PRDM11: variants seen among roughly 807,000 people sequenced by gnomAD.
The protein encoded by PRDM11 is PR/SET domain 11, also known as PR domain-containing protein 11.
Under a neutral mutation model 97.8 loss-of-function variants are expected in PRDM11, and 20 were observed. That is an observed-to-expected ratio of 0.20 (90% CI 0.14 to 0.30). PRDM11 has a LOEUF of 0.30. PRDM11 is among the 10% of genes least tolerant of loss of function. PRDM11 has a pLI of 1.00. For missense variants in PRDM11, 1,139 were observed against 1,555.2 expected (o/e 0.73, Z 4.50); for synonymous variants, 599 against 637.7 (o/e 0.94, Z 0.91).
chr11:45,224,781 T>C lies in PRDM11; in HGVS notation c.1307T>C (p.Leu436Pro). The C allele has an allele frequency of 4.3e-6, 7 of 1,614,240 alleles. No individual in the cohort carries two copies. Among genetic ancestry groups the C allele is most frequent in the Non-Finnish European group, 5.9e-6 (7 of 1,180,044 alleles). The stretch of plus-strand genomic sequence containing the variant: ...TTAGACATGCTTAAGTCTGGGAAAC[T>C]TCCTGAGCCCCCCGTATTGCCACCA... The part of the protein sequence containing the change: ...AELDMLKSGK[L>P]PEPPVLPPQV... The change falls in exon 7 of 8, where the codon CTT becomes CCT. Residue 436 changes from leucine (L) to proline (P), a missense_variant. This residue lies in a region of PRDM11 where 710 missense variants were observed against 1,044.9 expected (regional missense o/e 0.68). Coordinates refer to ENST00000683152, the MANE Select transcript of PRDM11 (RefSeq NM_001384648.1).
Position 45,234,916 on chromosome 11 carries a change from A to G in PRDM11, c.*6757A>G, listed in dbSNP as rs1047406157. 1 of 152,274 alleles carries G rather than the reference A, an allele frequency of 6.6e-6. No individual in the cohort carries two copies. The highest frequency in any genetic ancestry group is 1.9e-4 in the East Asian group (1 of 5,176). 9.4% of individuals were successfully genotyped at this position (152,274 alleles called of 1,614,324 possible). A position where few individuals can be genotyped will look rare whatever the true frequency, so the allele number is the denominator to read the frequency against. The stretch of plus-strand genomic sequence containing the variant: ...TTATCACATACATATTAATATGTTA[A>G]TACTTTCTTTAAAAAAAACCTCTTG... On this transcript the variant is annotated 3_prime_UTR_variant, in exon 8 of 8. Coordinates refer to ENST00000683152, the MANE Select transcript of PRDM11 (RefSeq NM_001384648.1).
At chr11:45,099,039 A>AGAG (rs1851928122) in intron 1 of PRDM11, among the ~76,000 whole-genome samples, 1 of 152,132 alleles carries the variant, frequency 6.6e-6, no homozygotes, top group Non-Finnish European at 1.5e-5. Context: ...GGCAGGAGGG[A>AGAG]TGTCTAGCCA....
chr11:45,189,847 C>T (rs1001258685), intron 4 of PRDM11, among the ~76,000 whole-genome samples: 7 of 151,980 alleles, frequency 4.6e-5, no homozygotes, highest in South Asian at 2.1e-4. Context: ...TTACCAAGTT[C>T]GGGGATGCTC....
chr11:45,186,917 G>C (rs1852725065), intron 4 of PRDM11, among the ~76,000 whole-genome samples: 1 of 152,166 alleles, frequency 6.6e-6, no homozygotes, highest in Non-Finnish European at 1.5e-5. Context: ...TTCCCTTATT[G>C]GGAGACATTG....
chr11:45,183,232 G>A lies in PRDM11; in HGVS notation c.486+109G>A, dbSNP rs905521323. The A allele has an allele frequency of 1.0e-5, 14 of 1,363,880 alleles. No homozygotes were observed. In the African/African-American group the frequency reaches 1.0e-4, roughly 10 times the overall value. The allele number at this position is 1,363,880 out of a possible 1,614,324, so 84.5% of individuals were successfully genotyped here. Reference sequence around the variant, plus strand: ...TTGGCCCCAGAACTTTTCTACCATCGCTTCTGGACCTGTCGATGATGGATC... The same window carrying A: ...TTGGCCCCAGAACTTTTCTACCATCACTTCTGGACCTGTCGATGATGGATC... On this transcript the variant is annotated intron_variant, in intron 4 of 7. Transcript: ENST00000683152.
intron 1 of PRDM11, among the ~76,000 whole-genome samples, chr11:45,151,604 C>T (rs1215218822): frequency 6.6e-6 from 1 of 152,208 alleles, no homozygotes; most frequent in South Asian, 2.1e-4. Flanking sequence ...TTAGTCCTTG[C>T]CCTTCCAGAG....
chr11:45,140,249 G>A (rs1045720108), intron 1 of PRDM11, among the ~76,000 whole-genome samples: 10 of 152,204 alleles, frequency 6.6e-5, no homozygotes, highest in African/African-American at 2.4e-4. Flanking sequence ...AAGGGTGGCT[G>A]TATGGATTGA....
chr11:45,186,297 A>G (rs1810606910), intron 4 of PRDM11, among the ~76,000 whole-genome samples: 1 of 152,062 alleles, frequency 6.6e-6, no homozygotes, highest in Admixed American at 6.6e-5. Context: ...GAGATCAGAG[A>G]AGGTGAGTTC....
intron 5 of PRDM11, among the ~76,000 whole-genome samples, chr11:45,210,871 C>T (rs1004161989): frequency 7.2e-5 from 11 of 152,134 alleles, no homozygotes; most frequent in Non-Finnish European, 1.3e-4. Context: ...GATTCCACCC[C>T]GTGATAAGAA....
At chr11:45,194,620 A>T (rs1311491092) in intron 4 of PRDM11, among the ~76,000 whole-genome samples, 11 of 65,038 alleles carry the variant, frequency 1.7e-4, no homozygotes, top group East Asian at 3.1e-4. Flanking sequence ...TTTTTTTGAG[A>T]CGGAGTCTCG....
At chr11:45,098,373 A>G (rs1851919623) in intron 1 of PRDM11, among the ~76,000 whole-genome samples, 1 of 152,252 alleles carries the variant, frequency 6.6e-6, no homozygotes, top group Non-Finnish European at 1.5e-5. Context: ...ACCAGACACC[A>G]GGGAAGGAAG....
intron 1 of PRDM11, among the ~76,000 whole-genome samples, chr11:45,108,287 T>C (rs556837327): frequency 6.6e-6 from 1 of 152,324 alleles, no homozygotes; most frequent in African/African-American, 2.4e-5. Flanking sequence ...CCTGCTGCCC[T>C]GGCCTCTTAC....
intron 1 of PRDM11, among the ~76,000 whole-genome samples, chr11:45,159,843 T>G (rs1851888047): frequency 6.6e-6 from 1 of 152,194 alleles, no homozygotes; most frequent in South Asian, 2.1e-4. Flanking sequence ...GGACACAGCC[T>G]TTATCCCTGA....
intron 1 of PRDM11, among the ~76,000 whole-genome samples, chr11:45,114,651 G>A (rs772420508): frequency 2.6e-5 from 4 of 152,032 alleles, no homozygotes; most frequent in Non-Finnish European, 5.9e-5. Context: ...ATCAAAGAGA[G>A]AGAAAATCTT....
intron 1 of PRDM11, among the ~76,000 whole-genome samples, chr11:45,148,253 T>C (rs926519636): frequency 3.3e-5 from 5 of 152,214 alleles, no homozygotes; most frequent in African/African-American, 1.2e-4. Flanking sequence ...CTCCTCCTCA[T>C]AGTCACTGTC....
At position 45,182,306 on chromosome 11, in the gene PRDM11, C is replaced by T. The variant is rs148230537; in HGVS notation, c.180C>T (p.Arg60=). The T allele has an allele frequency of 1.7e-4, 277 of 1,613,922 alleles. No individual in the cohort carries two copies. The highest frequency in any genetic ancestry group is 1.3e-4 in the Admixed American group (8 of 60,006). ...EVEPKKLKGK[R]DLIVPKSFQQ... is the part of the protein sequence containing the mutation. ...AGCCCAAGAAACTGAAGGGGAAGCG[C>T]GACCTCATCGTGCCCAAAAGCTTCC... The change falls in exon 3 of 8, where the codon CGC becomes CGT. Residue 60 remains arginine (R), a synonymous_variant. Transcript: ENST00000683152.
At chr11:45,179,698 G>T (rs1852419694) in intron 1 of PRDM11, among the ~76,000 whole-genome samples, 1 of 152,154 alleles carries the variant, frequency 6.6e-6, no homozygotes, top group Non-Finnish European at 1.5e-5. Flanking sequence ...AATTAATCTT[G>T]ATCACCTCCT....
At chr11:45,102,641 C>T (rs777720536) in intron 1 of PRDM11, among the ~76,000 whole-genome samples, 1 of 152,164 alleles carries the variant, frequency 6.6e-6, no homozygotes, top group African/African-American at 2.4e-5. Context: ...TGCACCGTGC[C>T]ACAGCCTCCT....
At chr11:45,198,247 A>C (rs1282700140) in intron 4 of PRDM11, among the ~76,000 whole-genome samples, 1 of 152,168 alleles carries the variant, frequency 6.6e-6, no homozygotes, top group Non-Finnish European at 1.5e-5. Context: ...AGATGCCCTC[A>C]TCTAGCTTAA....
Sources: allele counts gnomAD v4.1 joint callset (sites outside exome capture counted in the v4.1 genomes callset), GRCh38; gene constraint gnomAD v4.1.1; regional missense constraint gnomAD v4.1.1; transcripts MANE v1.5; gene names NCBI Gene and HGNC (gene_info 2026-07-23, HGNC 2026-07-21).